SPMIP11: variants seen among roughly 807,000 people sequenced by gnomAD.
SPMIP11 encodes the protein sperm microtubule inner protein 11.
the SPMIP11 span, among the ~76,000 whole-genome samples, chr12:48,738,728 A>C: frequency 6.6e-6 from 1 of 152,066 alleles, no homozygotes; most frequent in African/African-American, 2.4e-5. Flanking sequence ...AAGTGATCAG[A>C]AAGAAGGGAG....
At chr12:48,733,203 T>C in the SPMIP11 span, among the ~76,000 whole-genome samples, 1 of 150,720 alleles carries the variant, frequency 6.6e-6, no homozygotes, top group African/African-American at 2.4e-5. Context: ...GCCTCCCGAG[T>C]AGCTGGTATT....
chr12:48,757,644 TC>T, the SPMIP11 span, among the ~76,000 whole-genome samples: 26 of 78,794 alleles, frequency 3.3e-4, no homozygotes, highest in Admixed American at 2.4e-3. Flanking sequence ...AGACTCTATC[TC>T]AAAAAAATAA....
the SPMIP11 span, among the ~76,000 whole-genome samples, chr12:48,744,363 G>A: frequency 1.3e-5 from 2 of 151,918 alleles, no homozygotes; most frequent in African/African-American, 2.4e-5. Context: ...CTGAGATCAC[G>A]CCACTGTACT....
chr12:48,728,182 C>A, the SPMIP11 span, among the ~76,000 whole-genome samples: 1 of 152,160 alleles, frequency 6.6e-6, no homozygotes, highest in Non-Finnish European at 1.5e-5. Context: ...AGGGTTAAGA[C>A]CTCTGCTATA....
chr12:48,752,456 C>T, the SPMIP11 span, among the ~76,000 whole-genome samples: 24 of 152,056 alleles, frequency 1.6e-4, no homozygotes, highest in Non-Finnish European at 1.5e-4. Context: ...TTGGGAGATT[C>T]CTGTCCCTCC....
the SPMIP11 span, among the ~76,000 whole-genome samples, chr12:48,743,424 T>C: frequency 6.6e-6 from 1 of 152,088 alleles, no homozygotes; most frequent in Admixed American, 6.6e-5. Context: ...ATTATTTCAT[T>C]AAATTACAAA....
the SPMIP11 span, among the ~76,000 whole-genome samples, chr12:48,757,743 C>T: frequency 6.6e-6 from 1 of 151,230 alleles, no homozygotes; most frequent in Non-Finnish European, 1.5e-5. Context: ...CCTGTAATCC[C>T]AGCACTTTGG....
chr12:48,760,780 G>T, the SPMIP11 span, among the ~76,000 whole-genome samples: 1 of 152,110 alleles, frequency 6.6e-6, no homozygotes, highest in Non-Finnish European at 1.5e-5. Context: ...ATCTCCCTCG[G>T]CCTCCCAAAG....
the SPMIP11 span, among the ~76,000 whole-genome samples, chr12:48,735,211 C>A: frequency 1.3e-5 from 2 of 152,258 alleles, no homozygotes; most frequent in Non-Finnish European, 2.9e-5. Flanking sequence ...AGATAAGACC[C>A]TAGCCCAGCC....
the SPMIP11 span, among the ~76,000 whole-genome samples, chr12:48,736,904 C>T: frequency 6.6e-6 from 1 of 151,848 alleles, no homozygotes; most frequent in African/African-American, 2.4e-5. Context: ...TGTCCTCTAG[C>T]TTCCAGTTAC....
the SPMIP11 span, among the ~76,000 whole-genome samples, chr12:48,741,431 G>A: frequency 1.3e-5 from 2 of 151,990 alleles, no homozygotes; most frequent in East Asian, 3.9e-4. Context: ...TGTTTCTCAT[G>A]ATTAGATTGA....
the SPMIP11 span, among the ~76,000 whole-genome samples, chr12:48,735,003 C>CAAAAAA: frequency 2.1e-4 from 18 of 83,914 alleles, no homozygotes; most frequent in African/African-American, 4.6e-4. Context: ...GACTCTGTCT[C>CAAAAAA]AAAAAAAAAA....
the SPMIP11 span, among the ~76,000 whole-genome samples, chr12:48,742,629 A>C: frequency 6.6e-6 from 1 of 151,988 alleles, no homozygotes; most frequent in Non-Finnish European, 1.5e-5. Context: ...CACACCTGTA[A>C]TCTCAGCACT....
the SPMIP11 span, among the ~76,000 whole-genome samples, chr12:48,744,910 C>T: frequency 6.6e-6 from 1 of 151,882 alleles, no homozygotes; most frequent in Non-Finnish European, 1.5e-5. Context: ...TGGTGATGTA[C>T]AAAAGAGGAA....
the SPMIP11 span, among the ~76,000 whole-genome samples, chr12:48,764,391 T>C: frequency 6.6e-6 from 1 of 152,142 alleles, no homozygotes; most frequent in Admixed American, 6.5e-5. Flanking sequence ...ATAAATTACA[T>C]CTATTAATAG....
chr12:48,745,923 G>T, the SPMIP11 span, among the ~76,000 whole-genome samples: 130 of 152,134 alleles, frequency 8.5e-4, 1 homozygote, highest in Non-Finnish European at 1.4e-3. Context: ...TATAAATCAT[G>T]TATGCAATAA....
At chr12:48,770,444 A>C in the SPMIP11 span, among the ~76,000 whole-genome samples, 3 of 152,190 alleles carry the variant, frequency 2.0e-5, no homozygotes, top group Non-Finnish European at 4.4e-5. Flanking sequence ...GAAGTATTCA[A>C]GTTTATATAA....
the SPMIP11 span, among the ~76,000 whole-genome samples, chr12:48,747,191 T>C: frequency 1.3e-5 from 2 of 152,094 alleles, no homozygotes; most frequent in Non-Finnish European, 2.9e-5. Flanking sequence ...AGGGTCTCCT[T>C]ATGTTGCCCA....
At chr12:48,765,592 A>T in the SPMIP11 span, 1 of 702,906 alleles carries the variant, frequency 1.4e-6, no homozygotes, top group Admixed American at 2.0e-5. Context: ...CTCTCTCTGA[A>T]TCTCTTCTTT....
Sources: gnomAD v4.1 joint callset for allele counts (sites outside exome capture counted in the v4.1 genomes callset) on GRCh38, gnomAD v4.1.1 for gene constraint, MANE v1.5 for transcripts, NCBI Gene and HGNC (gene_info 2026-07-23, HGNC 2026-07-21) for gene names.